Variants in LPAR1 observed in about 807,000 individuals in gnomAD.
LPAR1 encodes the protein lysophosphatidic acid receptor 1.
Under a neutral mutation model 23.8 loss-of-function variants are expected in LPAR1, and 5 were observed. That is an observed-to-expected ratio of 0.21 (90% CI 0.11 to 0.44). The LOEUF (loss-of-function observed/expected upper bound fraction) is 0.44. Among genes scored for constraint, LPAR1 ranks in the 20% least tolerant of loss-of-function variants. The probability of loss-of-function intolerance (pLI) is 0.99; values close to 1 mark genes in which losing one functional copy is unlikely to be tolerated. For missense variants in LPAR1, 311 were observed against 482.8 expected (o/e 0.64, Z 3.33); for synonymous variants, 160 against 164.7 (o/e 0.97, Z 0.22).
chr9:110,894,906 G>A (rs1403667929), intron 5 of LPAR1, among the ~76,000 whole-genome samples: 4 of 151,798 alleles, frequency 2.6e-5, no homozygotes, highest in African/African-American at 7.3e-5. Flanking sequence ...ATGTCCCAAC[G>A]ACATGGGAGG....
At chr9:110,996,412 T>C (rs1479842494) in intron 2 of LPAR1, among the ~76,000 whole-genome samples, 2 of 151,756 alleles carry the variant, frequency 1.3e-5, no homozygotes, top group African/African-American at 2.4e-5. Context: ...TAATAATAAA[T>C]ATAAAAATAT....
chr9:111,033,630 C>T (rs1344713236), intron 2 of LPAR1, among the ~76,000 whole-genome samples: 1 of 152,190 alleles, frequency 6.6e-6, no homozygotes, highest in Non-Finnish European at 1.5e-5. Flanking sequence ...TGGCTCACTG[C>T]AACCTCTCCC....
intron 2 of LPAR1, among the ~76,000 whole-genome samples, chr9:111,021,822 G>A (rs1408527886): frequency 6.6e-6 from 1 of 151,966 alleles, no homozygotes; most frequent in East Asian, 1.9e-4. Flanking sequence ...TTAGCTGAGT[G>A]TGGGGGCAGA....
chr9:110,992,749 G>A (rs1426588524), intron 2 of LPAR1, among the ~76,000 whole-genome samples: 1 of 152,154 alleles, frequency 6.6e-6, no homozygotes, highest in East Asian at 1.9e-4. Context: ...CTTACTGTAT[G>A]ATTCCATTAT....
chr9:111,037,144 A>G (rs1188847040), intron 1 of LPAR1, among the ~76,000 whole-genome samples: 1 of 152,228 alleles, frequency 6.6e-6, no homozygotes, highest in East Asian at 1.9e-4. Flanking sequence ...AAACACACTT[A>G]TGCAAATACG....
intron 5 of LPAR1, among the ~76,000 whole-genome samples, chr9:110,879,417 CAAAAA>C (rs71371692): frequency 1.3e-4 from 6 of 47,176 alleles, no homozygotes; most frequent in South Asian, 2.3e-3. Context: ...GACTCCATCT[CAAAAA>C]AAAAAAAAAA....
chr9:110,964,686 T>C (rs1262257868), intron 4 of LPAR1, among the ~76,000 whole-genome samples: 1 of 151,602 alleles, frequency 6.6e-6, no homozygotes, highest in Non-Finnish European at 1.5e-5. Context: ...AAAAAACCCA[T>C]TTAATGTGAA....
chr9:110,950,873 G>C (rs1341839984), intron 4 of LPAR1, among the ~76,000 whole-genome samples: 1 of 152,142 alleles, frequency 6.6e-6, no homozygotes, highest in Non-Finnish European at 1.5e-5. Context: ...CATGGAACTT[G>C]ACAGACTCCC....
At chr9:110,992,660 A>G (rs2096918986) in intron 2 of LPAR1, among the ~76,000 whole-genome samples, 1 of 152,202 alleles carries the variant, frequency 6.6e-6, no homozygotes, top group Non-Finnish European at 1.5e-5. Context: ...CAATAAAAAC[A>G]AATGAACTAC....
intron 5 of LPAR1, among the ~76,000 whole-genome samples, chr9:110,935,621 T>C (rs1304949514): frequency 6.6e-6 from 1 of 152,076 alleles, no homozygotes; most frequent in Non-Finnish European, 1.5e-5. Context: ...AAACCCTGGC[T>C]CTAAAACAAA....
At chr9:110,903,605 G>T (rs964731558) in intron 5 of LPAR1, among the ~76,000 whole-genome samples, 1 of 152,048 alleles carries the variant, frequency 6.6e-6, no homozygotes, top group East Asian at 1.9e-4. Flanking sequence ...CTATGAACAA[G>T]AAGAAAATAG....
At chr9:110,902,025 A>C (rs2089309164) in intron 5 of LPAR1, among the ~76,000 whole-genome samples, 1 of 152,104 alleles carries the variant, frequency 6.6e-6, no homozygotes, top group African/African-American at 2.4e-5. Flanking sequence ...ACACAAAAGG[A>C]AGCCAGAGAA....
chr9:110,970,325 C>T (rs1284042616), intron 4 of LPAR1, among the ~76,000 whole-genome samples: 1 of 152,076 alleles, frequency 6.6e-6, no homozygotes, highest in East Asian at 1.9e-4. Context: ...AAATGGTGAC[C>T]TCAGGTAACA....
intron 5 of LPAR1, among the ~76,000 whole-genome samples, chr9:110,921,591 G>A (rs1429067597): frequency 6.6e-6 from 1 of 152,124 alleles, no homozygotes; most frequent in East Asian, 1.9e-4. Flanking sequence ...GTAAACCTAT[G>A]ATAAAAAAAA....
chr9:110,980,970 C>T (rs1460404914), intron 2 of LPAR1, among the ~76,000 whole-genome samples: 4 of 152,002 alleles, frequency 2.6e-5, no homozygotes, highest in Non-Finnish European at 5.9e-5. Context: ...TCCCAAGCAT[C>T]ATTTAATTTC....
intron 5 of LPAR1, among the ~76,000 whole-genome samples, chr9:110,879,391 C>T (rs2080059356): frequency 7.8e-6 from 1 of 128,304 alleles, no homozygotes. Flanking sequence ...ACACTCCAGC[C>T]TGAGTGACAG....
At chr9:110,896,191 G>A (rs952634527) in intron 5 of LPAR1, among the ~76,000 whole-genome samples, 2 of 152,114 alleles carry the variant, frequency 1.3e-5, no homozygotes, top group East Asian at 1.9e-4. Context: ...TTGTTACCAC[G>A]ACAGATTTTT....
At chr9:111,029,756 T>A (rs1365379007) in intron 2 of LPAR1, among the ~76,000 whole-genome samples, 1 of 151,898 alleles carries the variant, frequency 6.6e-6, no homozygotes, top group African/African-American at 2.4e-5. Context: ...TTTTTTTAAT[T>A]TTAGTGTCCT....
intron 2 of LPAR1, among the ~76,000 whole-genome samples, chr9:110,989,466 G>C (rs2096854492): frequency 6.6e-6 from 1 of 152,126 alleles, no homozygotes; most frequent in African/African-American, 2.4e-5. Context: ...TATTACAAAA[G>C]TTTTAAAAAG....
Sources: gnomAD v4.1 joint callset for allele counts (sites outside exome capture counted in the v4.1 genomes callset) on GRCh38, gnomAD v4.1.1 for gene constraint, MANE v1.5 for transcripts, NCBI Gene and HGNC (gene_info 2026-07-23, HGNC 2026-07-21) for gene names.